DHTKD1: variants seen among roughly 807,000 people sequenced by gnomAD.
The protein encoded by DHTKD1 is dehydrogenase E1 and transketolase domain containing 1, also known as 2-oxoadipate dehydrogenase complex component E1.
In DHTKD1, 78 loss-of-function variants were observed where a neutral mutation model predicts 101.8. The observed-to-expected ratio is 0.77, with a 90% confidence interval of 0.64 to 0.93. DHTKD1 has a LOEUF of 0.93. Ranked by LOEUF, DHTKD1 falls within the 40% of genes least tolerant of loss-of-function variation. The pLI is 0.00. For missense variants in DHTKD1, 1,223 were observed against 1,161.7 expected, an observed-to-expected ratio of 1.05 and a Z score of -0.77; for synonymous variants, 462 against 450.3, an observed-to-expected ratio of 1.03 and a Z score of -0.33.
chr10:12,082,963 C>T (rs895631261), intron 2 of DHTKD1, among the ~76,000 whole-genome samples: 3 of 151,844 alleles, frequency 2.0e-5, no homozygotes, highest in Non-Finnish European at 2.9e-5. Context: ...AGTGAAACCC[C>T]GTCTCTACTA....
In DHTKD1 at chr10:12,095,812, CAAAAAA is replaced by C. The variant is rs1185585860; in HGVS notation, c.1358+1557_1358+1562del. On this transcript the variant is annotated intron_variant, in intron 7 of 16. Coordinates refer to ENST00000263035, the MANE Select transcript of DHTKD1 (RefSeq NM_018706.7). ...TGGGTGGCATAGCGAGACTCCGTCT[CAAAAAA>C]AAAAAAAAAAAAAAAGAAAAGAAAA... Among the ~76,000 whole-genome samples, 4 of 41,492 alleles carry C rather than the reference CAAAAAA, an allele frequency of 9.6e-5. 1 individual carries two copies. In the Admixed American group the frequency reaches 1.4e-3, roughly 15 times the overall value. The allele number at this position is 41,492 out of a possible 152,430, so 27.2% of individuals were successfully genotyped here.
intron 6 of DHTKD1, among the ~76,000 whole-genome samples, chr10:12,092,478 C>T (rs1833007470): frequency 6.6e-6 from 1 of 152,048 alleles, no homozygotes; most frequent in Admixed American, 6.6e-5. Flanking sequence ...ATGTGTTCAA[C>T]CACTAAACTT....
At chr10:12,093,699 C>G (rs1833025634) in intron 6 of DHTKD1, among the ~76,000 whole-genome samples, 1 of 152,146 alleles carries the variant, frequency 6.6e-6, no homozygotes, top group Non-Finnish European at 1.5e-5. Context: ...TTTAATGACC[C>G]TTTTATCTCA....
At chr10:12,076,649 A>G (rs1391356963) in intron 1 of DHTKD1, among the ~76,000 whole-genome samples, 1 of 152,116 alleles carries the variant, frequency 6.6e-6, no homozygotes, top group East Asian at 1.9e-4. Flanking sequence ...CCTGGGTAAT[A>G]TAGCCAGACC....
In DHTKD1 at chr10:12,110,134, TA is replaced by T. The variant is rs1261987695; in HGVS notation, c.2154+2124del. Among the ~76,000 whole-genome samples the T allele has an allele frequency of 6.6e-6, 1 of 152,100 alleles. No individual in the cohort carries two copies. Among genetic ancestry groups the T allele is most frequent in the African/African-American group, 2.4e-5 (1 of 41,426 alleles). Reference sequence around the variant, plus strand: ...TAACACGGTGAAACCCTGTGTCTACTAAAAATACAAAAAATTAGCCGGGCAC... The same window carrying T: ...TAACACGGTGAAACCCTGTGTCTACTAAAATACAAAAAATTAGCCGGGCAC... On this transcript the variant is annotated intron_variant, in intron 12 of 16. Coordinates refer to ENST00000263035, the MANE Select transcript of DHTKD1 (RefSeq NM_018706.7). This position sits in a 1 kb window ranked among gnomAD's most constrained non-coding sequence, Gnocchi z 4.9.
chr10:12,091,428 A>AAAAAAAAAAAATTTATTCC, intron 5 of DHTKD1, 85 bp from the exon 6 acceptor site: 1 of 880,036 alleles, frequency 1.1e-6, no homozygotes, highest in Non-Finnish European at 1.6e-6. Flanking sequence ...AAAAAAAAAA[A>AAAAAAAAAAAATTTATTCC]AAGTTATTCC....
intron 1 of DHTKD1, among the ~76,000 whole-genome samples, chr10:12,075,786 T>C (rs1832717694): frequency 6.6e-6 from 1 of 152,208 alleles, no homozygotes; most frequent in African/African-American, 2.4e-5. Flanking sequence ...TTAATTTCAT[T>C]CTTTATTATA....
chr10:12,118,681 C>G, intron 14 of DHTKD1, 68 bp from the exon 15 acceptor site: 4 of 1,353,662 alleles, frequency 3.0e-6, no homozygotes, highest in Non-Finnish European at 3.9e-6. Flanking sequence ...TGCACCTGGC[C>G]TCTTCTGACG....
chr10:12,084,648 A>G lies in DHTKD1; in HGVS notation c.419A>G (p.Gln140Arg). 3 of 1,614,158 alleles carry G rather than the reference A, an allele frequency of 1.9e-6. No individual in the cohort carries two copies. The highest frequency in any genetic ancestry group is 2.2e-5 in the South Asian group (2 of 91,090). ...ISIETSQLQSQDEKDWFAKRF... is the reference protein window; with the variant it reads ...ISIETSQLQSRDEKDWFAKRF... ...ATTGAAACCTCCCAACTTCAGAGCC[A>G]GGATGAGAAAGACTGGTTTGCCAAG... The change falls in exon 3 of 17, where the codon CAG becomes CGG. Residue 140 changes from glutamine (Q) to arginine (R), a missense_variant. Gln to Arg is a conservative substitution (Grantham distance 43). Transcript: ENST00000263035.
At chr10:12,102,863 G>A (rs1833191303) in intron 10 of DHTKD1, among the ~76,000 whole-genome samples, 1 of 152,120 alleles carries the variant, frequency 6.6e-6, no homozygotes, top group South Asian at 2.1e-4. Context: ...CAAGTAGCTG[G>A]GATTATTTGG....
chr10:12,087,621 C>T lies in DHTKD1; in HGVS notation c.609C>T (p.His203=), dbSNP rs12265659. The part of the protein sequence containing the change: ...EGAESMMGFF[H]ELLKMSAYSG... The stretch of plus-strand genomic sequence containing the variant: ...CTGAAAGCATGATGGGCTTTTTCCA[C>T]GAGCTGCTGAAAATGTCGGCCTACA... Residue 203 remains histidine, a synonymous_variant, in exon 4 of 17, where the codon CAC becomes CAT. Transcript: ENST00000263035. This position sits in a 1 kb window ranked among gnomAD's most constrained non-coding sequence, Gnocchi z 5.2. 249 of 1,613,960 alleles carry T rather than the reference C, an allele frequency of 1.5e-4. No homozygotes were observed. The African/African-American group carries it at 2.4e-3, about 15-fold the overall frequency.
rs1833475305 is a variant in DHTKD1, at chr10:12,119,263, G to A, written c.2572+345G>A. ...GGAGGTTGCAGTGAGCCGAGATTGTGCCACTGCACTCCAGCCTGGGCACAA... is the reference window on the plus strand; with the variant it reads ...GGAGGTTGCAGTGAGCCGAGATTGTACCACTGCACTCCAGCCTGGGCACAA... On this transcript the variant is annotated intron_variant, in intron 15 of 16. Transcript: ENST00000263035. Among the ~76,000 whole-genome samples the A allele has an allele frequency of 2.6e-5, 4 of 151,348 alleles. No individual in the cohort carries two copies. The South Asian group carries it at 8.4e-4, about 32-fold the overall frequency.
At position 12,110,454 on chromosome 10, in the gene DHTKD1, A is replaced by G. The variant is rs1023693789; in HGVS notation, c.2154+2439A>G. Among the ~76,000 whole-genome samples the G allele has an allele frequency of 1.3e-5, 2 of 152,184 alleles. No homozygotes were observed. The highest frequency in any genetic ancestry group is 2.9e-5 in the Non-Finnish European group (2 of 68,038). On this transcript the variant is annotated intron_variant, in intron 12 of 16. Coordinates refer to ENST00000263035, the MANE Select transcript of DHTKD1 (RefSeq NM_018706.7). The surrounding 1 kb of genome is among the most constrained non-coding windows in gnomAD (Gnocchi z 4.9). ...TTCCGGTGTGGCTCAGGTAAGCCAA[A>G]AGATCGGACACCCCTGATTCCTGAT... is the stretch of plus-strand genomic sequence containing the variant.
At chr10:12,109,202 A>C (rs1833291941) in intron 12 of DHTKD1, among the ~76,000 whole-genome samples, 1 of 152,026 alleles carries the variant, frequency 6.6e-6, no homozygotes, top group African/African-American at 2.4e-5. Flanking sequence ...ATGTCACCCC[A>C]AGTACTTCAG....
intron 5 of DHTKD1, among the ~76,000 whole-genome samples, chr10:12,089,606 T>TG (rs1036373212): frequency 6.7e-6 from 1 of 150,172 alleles, no homozygotes; most frequent in Non-Finnish European, 1.5e-5. Context: ...AAGACAAGCG[T>TG]GAAAAAAAAA....
At chr10:12,077,990 A>G (rs1490695330) in intron 1 of DHTKD1, among the ~76,000 whole-genome samples, 3 of 152,088 alleles carry the variant, frequency 2.0e-5, no homozygotes, top group African/African-American at 7.2e-5. Flanking sequence ...CGTGCCTGAC[A>G]TGAGAGAGGA....
chr10:12,079,463 A>G (rs941832349), intron 1 of DHTKD1, among the ~76,000 whole-genome samples: 5 of 152,006 alleles, frequency 3.3e-5, no homozygotes, highest in Non-Finnish European at 5.9e-5. Flanking sequence ...AGGTCAGGAG[A>G]TCGAGACCAT....
chr10:12,098,679 C>G (rs1833111381), intron 8 of DHTKD1, among the ~76,000 whole-genome samples: 1 of 152,192 alleles, frequency 6.6e-6, no homozygotes, highest in Admixed American at 6.5e-5. Context: ...ATTCTCCTGC[C>G]TCAGCCTCCT....
intron 12 of DHTKD1, 112 bp from the exon 13 acceptor site, chr10:12,112,788 C>G: frequency 9.2e-7 from 1 of 1,085,376 alleles, no homozygotes; most frequent in Non-Finnish European, 1.3e-6. Flanking sequence ...TGGGCAATAG[C>G]TTTTCTGCTA....
Sources: allele counts gnomAD v4.1 joint callset (sites outside exome capture counted in the v4.1 genomes callset), GRCh38; gene constraint gnomAD v4.1.1; non-coding constraint Gnocchi (gnomAD v3.1); transcripts MANE v1.5; gene names NCBI Gene and HGNC (gene_info 2026-07-23, HGNC 2026-07-21).